The following PCDHA4 variants were observed in gnomAD, a reference collection of about 807,000 sequenced individuals.
The protein encoded by PCDHA4 is protocadherin alpha 4.
PCDHA4 carries 49 observed loss-of-function variants against 61.4 expected under a neutral mutation model. That is an observed-to-expected ratio of 0.80 (90% confidence interval 0.63 to 1.01). The LOEUF (loss-of-function observed/expected upper bound fraction) is 1.01. Among genes scored for constraint, PCDHA4 ranks in the 50% least tolerant of loss-of-function variants. The pLI is 0.00. For missense variants in PCDHA4, 1,254 were observed against 1,235.8 expected (o/e 1.01, Z -0.22); for synonymous variants, 590 against 550.3 (o/e 1.07, Z -1.01).
At chr5:140,935,638 T>G (rs1452378093) in intron 1 of PCDHA4, among the ~76,000 whole-genome samples, 2 of 152,214 alleles carry the variant, frequency 1.3e-5, no homozygotes, top group Admixed American at 6.5e-5. Context: ...TAGGGCTTGC[T>G]TTTTAAATTT....
chr5:140,852,153 T>C, intron 1 of PCDHA4: 1 of 858,712 alleles, frequency 1.2e-6, no homozygotes, highest in Non-Finnish European at 1.4e-6. Context: ...CAGAATGGCC[T>C]TGAGAATAGA....
chr5:140,966,355 G>C (rs2095993623), intron 1 of PCDHA4: 1 of 400,198 alleles, frequency 2.5e-6, no homozygotes, highest in Non-Finnish European at 4.4e-6. Context: ...AGGAGATGGG[G>C]CTGGAGAGGC....
intron 2 of PCDHA4, among the ~76,000 whole-genome samples, chr5:140,979,807 A>G (rs376087021): frequency 1.3e-4 from 20 of 152,376 alleles, no homozygotes; most frequent in African/African-American, 4.1e-4. Flanking sequence ...CACAACTATC[A>G]AAAGGATTTA....
At chr5:140,893,327 GT>G (rs2063928643) in intron 1 of PCDHA4, among the ~76,000 whole-genome samples, 1 of 152,164 alleles carries the variant, frequency 6.6e-6, no homozygotes, top group Non-Finnish European at 1.5e-5. Flanking sequence ...CTCCCATACT[GT>G]TTTCCTTAGT....
At chr5:140,916,163 C>G (rs546851152) in intron 1 of PCDHA4, among the ~76,000 whole-genome samples, 1 of 152,066 alleles carries the variant, frequency 6.6e-6, no homozygotes, top group African/African-American at 2.4e-5. Context: ...TGAATGCTGC[C>G]AGGCCTGGGA....
rs1320203097 is a variant in PCDHA4 at position 140,848,970 on chromosome 5, G to C, written c.2385+39398G>C. ...TCGGTTTCCACTAGAGGGCGCGTCC[G>C]ATGCAGATATCGGGGAGAACGCCCT... On this transcript the variant is annotated intron_variant, in intron 1 of 3. Transcript: ENST00000530339. 3.7e-5 allele frequency: 60 copies of C among 1,602,546 alleles called. 1 individual carries two copies. The highest frequency in any genetic ancestry group is 5.0e-5 in the Non-Finnish European group (59 of 1,173,282).
At position 140,851,668 on chromosome 5, in the gene PCDHA4, G is replaced by A. The variant is rs550292349; in HGVS notation, c.2385+42096G>A. 14 of 914,874 alleles carry A rather than the reference G, an allele frequency of 1.5e-5. 2 individuals carry two copies. Among genetic ancestry groups the A allele is most frequent in the Non-Finnish European group, 1.9e-5 (14 of 751,922 alleles). 56.7% of individuals were successfully genotyped at this position (914,874 alleles called of 1,614,324 possible). A position where few individuals can be genotyped will look rare whatever the true frequency, so the allele number is the denominator to read the frequency against. ...TCAAGAAGACATTCTCCTTTTAATT[G>A]AAATTTTCTCCATTCAGTGATAAAA... On this transcript the variant is annotated intron_variant, in intron 1 of 3. Coordinates refer to ENST00000530339, the MANE Select transcript of PCDHA4 (RefSeq NM_018907.4).
At chr5:140,903,370 G>A (rs1185137848) in intron 1 of PCDHA4, among the ~76,000 whole-genome samples, 8 of 152,136 alleles carry the variant, frequency 5.3e-5, no homozygotes, top group African/African-American at 1.9e-4. Flanking sequence ...AAAAATATAG[G>A]GAGGATTGTG....
chr5:140,975,848 T>C (rs1345383470), intron 1 of PCDHA4, among the ~76,000 whole-genome samples: 1 of 152,234 alleles, frequency 6.6e-6, no homozygotes, highest in Non-Finnish European at 1.5e-5. Flanking sequence ...TCAGTAATAC[T>C]ACATCACCCA....
intron 1 of PCDHA4, among the ~76,000 whole-genome samples, chr5:140,972,775 T>C (rs1277210789): frequency 6.6e-6 from 1 of 151,656 alleles, no homozygotes; most frequent in Non-Finnish European, 1.5e-5. Context: ...GTGATTCTTC[T>C]GCCTCAGCCT....
chr5:140,982,662 T>C (rs1325546785), intron 3 of PCDHA4, 99 bp downstream of exon 3: 4 of 1,476,284 alleles, frequency 2.7e-6, no homozygotes, highest in Admixed American at 2.6e-5. Context: ...CTTTTTCTTT[T>C]ATATTTTTGT....
intron 1 of PCDHA4, chr5:140,966,785 A>G: frequency 6.6e-7 from 1 of 1,522,872 alleles, no homozygotes. Flanking sequence ...GGCGGGCACC[A>G]GACCTGCGGC....
intron 1 of PCDHA4, chr5:140,867,277 A>G (rs2153229225): frequency 6.6e-6 from 1 of 152,228 alleles, no homozygotes; most frequent in East Asian, 1.9e-4. Context: ...AATAAACCTG[A>G]TGTGCTTCAA....
chr5:140,856,130 G>A lies in PCDHA4; in HGVS notation c.2385+46558G>A. The stretch of plus-strand genomic sequence containing the variant: ...CCTCGCAGCCTGGGAGGTGGGGAGC[G>A]GCCAGCTCCACTACTCAGTCTACGA... On this transcript the variant is annotated intron_variant, in intron 1 of 3. Transcript: ENST00000530339. 7 of 1,598,068 alleles carry A rather than the reference G, an allele frequency of 4.4e-6. 1 individual carries two copies. The highest frequency in any genetic ancestry group is 6.0e-6 in the Non-Finnish European group (7 of 1,167,790).
chr5:140,851,389 T>C, intron 1 of PCDHA4: 1 of 974,212 alleles, frequency 1.0e-6, no homozygotes, highest in Non-Finnish European at 1.2e-6. Flanking sequence ...ACCTTCAGTA[T>C]CTATTATTTT....
Position 140,941,209 on chromosome 5 carries a change from T to TCCTTTCTTTCTTTC in PCDHA4, c.2386-37740_2386-37739insCCTTTCTTTCTTTC, listed in dbSNP as rs59604197. 5.4e-4 allele frequency among the ~76,000 whole-genome samples: 69 copies of TCCTTTCTTTCTTTC among 126,992 alleles called. 1 individual carries two copies. Among genetic ancestry groups the TCCTTTCTTTCTTTC allele is most frequent in the African/African-American group, 2.2e-3 (68 of 31,202 alleles). The allele number at this position is 126,992 out of a possible 152,430, so 83.3% of individuals were successfully genotyped here. On this transcript the variant is annotated intron_variant, in intron 1 of 3. Coordinates refer to ENST00000530339, the MANE Select transcript of PCDHA4 (RefSeq NM_018907.4). ...TCTTTTTTTTTCTTTCTTCCTTTCT[T>TCCTTTCTTTCTTTC]TCTTCCTTTCTTTCTTTCTTTCTTT...
chr5:140,969,019 G>C lies in PCDHA4; in HGVS notation c.2386-9930G>C. 3.1e-6 allele frequency: 5 copies of C among 1,614,164 alleles called. No homozygotes were observed. The South Asian group carries it at 5.5e-5, about 18-fold the overall frequency. ...GAGGCTTCTGTGGAGTAAGGGAAAG[G>C]TCCCCTGCAGAACTGTACAAACAAG... On this transcript the variant is annotated intron_variant, in intron 1 of 3. Transcript: ENST00000530339.
At position 140,835,704 on chromosome 5, in the gene PCDHA4, G is replaced by T. The variant is rs2150242538; in HGVS notation, c.2385+26132G>T. 4 of 1,613,774 alleles carry T rather than the reference G, an allele frequency of 2.5e-6. No homozygotes were observed. The Admixed American group carries it at 6.7e-5, about 27-fold the overall frequency. Reference sequence around the variant, plus strand: ...GCCTTCTCTGTGGGCCACTGCTAGCGTGTCCGTGGAGGTGGCCGACGTGAA... The same window carrying T: ...GCCTTCTCTGTGGGCCACTGCTAGCTTGTCCGTGGAGGTGGCCGACGTGAA... On this transcript the variant is annotated intron_variant, in intron 1 of 3. Coordinates refer to ENST00000530339, the MANE Select transcript of PCDHA4 (RefSeq NM_018907.4).
At chr5:140,946,202 A>T (rs2093901656) in intron 1 of PCDHA4, among the ~76,000 whole-genome samples, 1 of 152,118 alleles carries the variant, frequency 6.6e-6, no homozygotes, top group Non-Finnish European at 1.5e-5. Context: ...AAAAGAAAGC[A>T]CACAAATGAC....
Sources: gnomAD v4.1 joint callset for allele counts (sites outside exome capture counted in the v4.1 genomes callset) on GRCh38, gnomAD v4.1.1 for gene constraint, MANE v1.5 for transcripts, NCBI Gene and HGNC (gene_info 2026-07-23, HGNC 2026-07-21) for gene names.